The following UPF2 variants were observed in gnomAD, a reference collection of about 807,000 sequenced individuals.
UPF2 encodes the protein UPF2 regulator of nonsense mediated mRNA decay.
Under a neutral mutation model 141.4 loss-of-function variants are expected in UPF2, and 17 were observed. The ratio of observed to expected loss-of-function variants is 0.12; its 90% CI spans 0.08 to 0.18. The LOEUF is 0.18. Among genes scored for constraint, UPF2 ranks in the 10% least tolerant of loss-of-function variants. The pLI is 1.00. For missense variants in UPF2, 1,152 were observed against 1,515.9 expected (o/e 0.76, Z 3.99); for synonymous variants, 540 against 498.0 (o/e 1.08, Z -1.12).
At chr10:11,942,381 A>G (rs1200785468) in intron 18 of UPF2, among the ~76,000 whole-genome samples, 1 of 152,206 alleles carries the variant, frequency 6.6e-6, no homozygotes, top group African/African-American at 2.4e-5. Context: ...TCAAGAAAAA[A>G]AAAAGAAATA....
chr10:11,921,059 C>G lies in UPF2; in HGVS notation c.*239G>C. On this transcript the variant is annotated 3_prime_UTR_variant, in exon 22 of 22. Coordinates refer to ENST00000357604, the MANE Select transcript of UPF2 (RefSeq NM_015542.4). The surrounding 1 kb of genome is among the most constrained non-coding windows in gnomAD (Gnocchi z 5.9). ...ACTGCCATTCTCAAGAGAAGATTAA[C>G]CCTCGCGAGATTTCCATTACAAAAG... 1 of 741,022 alleles carries G rather than the reference C, an allele frequency of 1.3e-6. No individual in the cohort carries two copies. Among genetic ancestry groups the G allele is most frequent in the Non-Finnish European group, 2.5e-6 (1 of 393,626 alleles). The allele number at this position is 741,022 out of a possible 1,614,324, so 45.9% of individuals were successfully genotyped here.
chr10:12,003,129 T>C (rs1588563195), intron 5 of UPF2, among the ~76,000 whole-genome samples: 1 of 152,206 alleles, frequency 6.6e-6, no homozygotes, highest in South Asian at 2.1e-4. Flanking sequence ...GAATTCCTAC[T>C]ATGTGCTAGG....
intron 17 of UPF2, 39 bp from the exon 18 acceptor site, chr10:11,942,802 TAAC>T (rs2131171092): frequency 6.3e-7 from 1 of 1,586,142 alleles, no homozygotes; most frequent in East Asian, 2.2e-5. Flanking sequence ...CCAGAAATTT[TAAC>T]TGTAATGTTT....
At position 12,004,812 on chromosome 10, in the gene UPF2, C is replaced by T. The variant is rs905663790; in HGVS notation, c.1307-85G>A. The T allele has an allele frequency of 3.7e-6, 5 of 1,345,058 alleles. No individual in the cohort carries two copies. In the African/African-American group the frequency reaches 4.4e-5, roughly 12 times the overall value. The allele number at this position is 1,345,058 out of a possible 1,614,324, so 83.3% of individuals were successfully genotyped here. On this transcript the variant is annotated intron_variant, in intron 4 of 21. Coordinates refer to ENST00000357604, the MANE Select transcript of UPF2 (RefSeq NM_015542.4). ...GACATAAGTTATTTTTTCAGTTTTACATCTATTGAATCTTGAGTGTTTCAA... is the reference window on the plus strand; with the variant it reads ...GACATAAGTTATTTTTTCAGTTTTATATCTATTGAATCTTGAGTGTTTCAA...
At chr10:12,008,948 G>T (rs894551610) in intron 4 of UPF2, among the ~76,000 whole-genome samples, 2 of 151,954 alleles carry the variant, frequency 1.3e-5, no homozygotes, top group Non-Finnish European at 2.9e-5. Context: ...GTGGTATTTG[G>T]TTTTTTTCCT....
intron 1 of UPF2, among the ~76,000 whole-genome samples, chr10:12,038,381 C>T (rs1834671644): frequency 1.7e-5 from 1 of 59,564 alleles, no homozygotes; most frequent in Admixed American, 1.5e-4. Flanking sequence ...CTCCATCTCA[C>T]ACACACACAC....
intron 8 of UPF2, among the ~76,000 whole-genome samples, chr10:11,987,149 G>C (rs1001096024): frequency 6.6e-6 from 1 of 152,250 alleles, no homozygotes; most frequent in South Asian, 2.1e-4. Context: ...TATCTTGATC[G>C]GAGTGATGGA....
chr10:11,957,094 A>G (rs980031006), intron 12 of UPF2, among the ~76,000 whole-genome samples: 15 of 151,414 alleles, frequency 9.9e-5, no homozygotes, highest in Admixed American at 2.0e-4. Flanking sequence ...TGCTGGGATT[A>G]CAGGCATGAG....
At chr10:11,937,850 G>C (rs1832873705) in intron 18 of UPF2, among the ~76,000 whole-genome samples, 1 of 152,096 alleles carries the variant, frequency 6.6e-6, no homozygotes, top group Admixed American at 6.6e-5. Flanking sequence ...TCTGCTTGAA[G>C]TCTTCCCAGG....
intron 11 of UPF2, among the ~76,000 whole-genome samples, chr10:11,962,007 G>C (rs1414840855): frequency 6.6e-6 from 1 of 152,114 alleles, no homozygotes; most frequent in Admixed American, 6.6e-5. Flanking sequence ...CTTCCAAACA[G>C]GCAAGAAAAG....
In UPF2 at chr10:11,929,882, G is replaced by A. The variant is rs368480463; in HGVS notation, c.3792C>T (p.Ile1264=). ...HPKGAPNADL[I]FKTGGRRR ...TGCTTTACCTCCCACCAGTCTTAAA[G>A]ATTAGATCTGCATTAGGTGCTCCCT... Residue 1264 remains isoleucine, a synonymous_variant, in exon 21 of 22, where the codon ATC becomes ATT. Transcript: ENST00000357604. The A allele has an allele frequency of 6.2e-7, 1 of 1,614,084 alleles. No individual in the cohort carries two copies.
chr10:11,996,115 C>T (rs771439834), intron 8 of UPF2, among the ~76,000 whole-genome samples: 5 of 152,228 alleles, frequency 3.3e-5, no homozygotes, highest in Admixed American at 6.5e-5. Context: ...ATCTTGTTCA[C>T]CCCTGTACTG....
intron 4 of UPF2, among the ~76,000 whole-genome samples, chr10:12,010,532 A>G (rs1834109216): frequency 6.6e-6 from 1 of 152,360 alleles, no homozygotes; most frequent in African/African-American, 2.4e-5. Context: ...GAAACTATCC[A>G]AAAGGAAAGG....
At chr10:11,962,300 G>A (rs1180356385) in intron 11 of UPF2, among the ~76,000 whole-genome samples, 1 of 152,150 alleles carries the variant, frequency 6.6e-6, no homozygotes, top group Non-Finnish European at 1.5e-5. Flanking sequence ...CATTTTAGAT[G>A]ATCCCATAAG....
chr10:11,938,975 C>T (rs907843768), intron 18 of UPF2, among the ~76,000 whole-genome samples: 37 of 144,878 alleles, frequency 2.6e-4, no homozygotes, highest in Admixed American at 4.3e-4. Context: ...TGGGTTCAAG[C>T]GATTATCCTG....
chr10:12,014,852 A>G lies in UPF2; in HGVS notation c.1146-668T>C, dbSNP rs1834190607. ...CTTCCACACAGCCAATTCTCAATCT[A>G]CTGTGCAAGTACTGGTTATTTATCC... On this transcript the variant is annotated intron_variant, in intron 3 of 21. Transcript: ENST00000357604. The surrounding 1 kb of genome is among the most constrained non-coding windows in gnomAD (Gnocchi z 5.0). Among the ~76,000 whole-genome samples, 1 of 152,212 alleles carries G rather than the reference A, an allele frequency of 6.6e-6. No individual in the cohort carries two copies. Among genetic ancestry groups the G allele is most frequent in the South Asian group, 2.1e-4 (1 of 4,836 alleles).
chr10:11,922,462 G>A (rs1000041471), intron 21 of UPF2, among the ~76,000 whole-genome samples: 1 of 152,206 alleles, frequency 6.6e-6, no homozygotes, highest in Non-Finnish European at 1.5e-5. Context: ...GGGAATGAAA[G>A]AGAAGATTCA....
intron 3 of UPF2, among the ~76,000 whole-genome samples, chr10:12,018,889 TTTAA>T (rs1275087965): frequency 6.6e-6 from 1 of 152,330 alleles, no homozygotes; most frequent in African/African-American, 2.4e-5. Flanking sequence ...AGGTTTTCAG[TTTAA>T]TTGTTTTTGA....
At chr10:11,924,316 A>G (rs1243095024) in intron 21 of UPF2, among the ~76,000 whole-genome samples, 1 of 152,194 alleles carries the variant, frequency 6.6e-6, no homozygotes, top group Non-Finnish European at 1.5e-5. Context: ...GGTGGCTGAC[A>G]CCTATAATCC....
Sources: allele counts gnomAD v4.1 joint callset (sites outside exome capture counted in the v4.1 genomes callset), GRCh38; gene constraint gnomAD v4.1.1; non-coding constraint Gnocchi (gnomAD v3.1); transcripts MANE v1.5; gene names NCBI Gene and HGNC (gene_info 2026-07-23, HGNC 2026-07-21).